The following NEGR1 variants were observed in gnomAD, a reference collection of about 807,000 sequenced individuals.
NEGR1 encodes the protein IgLON family member 4.
Under a neutral mutation model 40.9 loss-of-function variants are expected in NEGR1, and 10 were observed. That is an observed-to-expected ratio of 0.24 (90% CI 0.15 to 0.42). The LOEUF (loss-of-function observed/expected upper bound fraction) is 0.42, where lower values mean the gene tolerates loss of function less well. NEGR1 is among the 10% of genes least tolerant of loss of function. The pLI is 1.00. For missense variants in NEGR1, 352 were observed against 438.9 expected (o/e 0.80, Z 1.77); for synonymous variants, 185 against 166.8 (o/e 1.11, Z -0.84).
At chr1:71,668,758 G>C (rs1392460748) in intron 4 of NEGR1, among the ~76,000 whole-genome samples, 2 of 152,034 alleles carry the variant, frequency 1.3e-5, no homozygotes, top group Non-Finnish European at 2.9e-5. Flanking sequence ...TGGCATTTTC[G>C]TAAGGCAGGG....
chr1:71,599,631 G>T (rs924387762), intron 5 of NEGR1, among the ~76,000 whole-genome samples: 1 of 152,032 alleles, frequency 6.6e-6, no homozygotes, highest in African/African-American at 2.4e-5. Flanking sequence ...TAGCCCCAAG[G>T]GGTATCTATC....
intron 6 of NEGR1, among the ~76,000 whole-genome samples, chr1:71,418,018 T>C (rs980237951): frequency 1.3e-5 from 2 of 151,416 alleles, no homozygotes; most frequent in African/African-American, 4.8e-5. Flanking sequence ...TAAGTATCTA[T>C]ACATGCTCAG....
At chr1:72,141,683 T>C (rs1279582165) in intron 1 of NEGR1, among the ~76,000 whole-genome samples, 2 of 152,132 alleles carry the variant, frequency 1.3e-5, no homozygotes, top group East Asian at 3.9e-4. Context: ...TAAATGATGG[T>C]AAACAGGTAA....
intron 2 of NEGR1, among the ~76,000 whole-genome samples, chr1:71,808,302 T>A (rs1657854710): frequency 6.6e-6 from 1 of 152,202 alleles, no homozygotes; most frequent in Non-Finnish European, 1.5e-5. Context: ...CAGTATCTAC[T>A]AAGGATTTTT....
At chr1:72,036,587 C>T (rs1234441306) in intron 1 of NEGR1, among the ~76,000 whole-genome samples, 8 of 146,558 alleles carry the variant, frequency 5.5e-5, no homozygotes, top group African/African-American at 1.3e-4. Flanking sequence ...ACCTGGGAGG[C>T]GGAGGTTGCA....
intron 1 of NEGR1, among the ~76,000 whole-genome samples, chr1:71,949,895 T>C (rs935154012): frequency 6.6e-6 from 1 of 152,114 alleles, no homozygotes; most frequent in African/African-American, 2.4e-5. Flanking sequence ...AAATGGAAGC[T>C]GCTCATATAG....
chr1:72,163,725 ATCT>A, intron 1 of NEGR1, among the ~76,000 whole-genome samples: 1 of 96,492 alleles, frequency 1.0e-5, no homozygotes, highest in Non-Finnish European at 2.2e-5. Context: ...ATAGACAGAT[ATCT>A]AATAGATAGA....
In NEGR1 at chr1:71,796,371, G is replaced by A. The variant is rs534401166; in HGVS notation, c.410-20074C>T. Reference sequence around the variant, plus strand: ...AGCACTATCATCAACTAGGTTTTGTGTGTGTGTAATTTTGGAGGTAGTGAT... The same window carrying A: ...AGCACTATCATCAACTAGGTTTTGTATGTGTGTAATTTTGGAGGTAGTGAT... On this transcript the variant is annotated intron_variant, in intron 2 of 6. Transcript: ENST00000357731. Among the ~76,000 whole-genome samples, 4 of 152,278 alleles carry A rather than the reference G, an allele frequency of 2.6e-5. No individual in the cohort carries two copies. In the South Asian group the frequency reaches 8.3e-4, roughly 32 times the overall value.
chr1:72,146,012 C>A (rs1176769080), intron 1 of NEGR1, among the ~76,000 whole-genome samples: 1 of 6,432 alleles, frequency 1.6e-4, no homozygotes, highest in African/African-American at 4.0e-4. Flanking sequence ...TTTTCACATG[C>A]TGTGTATTTC....
At chr1:71,830,553 G>A (rs947108837) in intron 2 of NEGR1, among the ~76,000 whole-genome samples, 6 of 151,596 alleles carry the variant, frequency 4.0e-5, no homozygotes, top group Non-Finnish European at 8.8e-5. Flanking sequence ...ACAACAAAAA[G>A]AAACAAAACT....
intron 1 of NEGR1, among the ~76,000 whole-genome samples, chr1:71,953,827 A>C (rs983531858): frequency 2.7e-5 from 4 of 150,924 alleles, no homozygotes; most frequent in African/African-American, 9.9e-5. Context: ...TAAGTGATAT[A>C]CTTTTTTTTA....
At chr1:72,013,801 C>T (rs576195862) in intron 1 of NEGR1, among the ~76,000 whole-genome samples, 57 of 150,452 alleles carry the variant, frequency 3.8e-4, no homozygotes, top group African/African-American at 1.3e-3. Context: ...ATTCGCTACC[C>T]TGACATTTGA....
Position 71,497,561 on chromosome 1 carries a change from T to C in NEGR1, c.941-89991A>G, listed in dbSNP as rs144977231. Among the ~76,000 whole-genome samples the C allele has an allele frequency of 4.1e-3, 620 of 152,232 alleles. 1 individual carries two copies. The highest frequency in any genetic ancestry group is 7.7e-3 in the Admixed American group (118 of 15,280). ...AAGAAAACTGATTCCCAGGATAGAATTGGTATGTTGTTTCTCTAAATTGTG... is the reference window on the plus strand; with the variant it reads ...AAGAAAACTGATTCCCAGGATAGAACTGGTATGTTGTTTCTCTAAATTGTG... On this transcript the variant is annotated intron_variant, in intron 6 of 6. Coordinates refer to ENST00000357731, the MANE Select transcript of NEGR1 (RefSeq NM_173808.3).
Position 72,123,282 on chromosome 1 carries a change from A to T in NEGR1, c.176+159037T>A, listed in dbSNP as rs1192464143. 4.6e-5 allele frequency among the ~76,000 whole-genome samples: 7 copies of T among 151,908 alleles called. No homozygotes were observed. The South Asian group carries it at 1.4e-3, about 31-fold the overall frequency. ...TAAAATCATTTCCATATCAGTTTAA[A>T]TGTATAGTAGATAATCTTGACATTG... On this transcript the variant is annotated intron_variant, in intron 1 of 6. Transcript: ENST00000357731.
intron 2 of NEGR1, among the ~76,000 whole-genome samples, chr1:71,899,015 T>TATATATATA (rs1661070621): frequency 5.1e-5 from 6 of 117,076 alleles, no homozygotes; most frequent in African/African-American, 1.2e-4. Context: ...TATATATATA[T>TATATATATA]GGCAACTAAT....
chr1:72,005,816 T>G (rs937859770), intron 1 of NEGR1, among the ~76,000 whole-genome samples: 5 of 152,166 alleles, frequency 3.3e-5, no homozygotes, highest in Non-Finnish European at 7.4e-5. Context: ...AAATCAATTT[T>G]GGAAATCAAC....
intron 1 of NEGR1, among the ~76,000 whole-genome samples, chr1:72,263,439 C>T (rs1655529119): frequency 6.6e-6 from 1 of 151,196 alleles, no homozygotes; most frequent in Non-Finnish European, 1.5e-5. Flanking sequence ...ATTAGCAGTC[C>T]CCAAGAAACA....
intron 1 of NEGR1, among the ~76,000 whole-genome samples, chr1:72,117,336 C>T (rs888186621): frequency 6.6e-6 from 1 of 151,670 alleles, no homozygotes; most frequent in Non-Finnish European, 1.5e-5. Flanking sequence ...GATCCTTAAG[C>T]ACAAGCCTCA....
intron 4 of NEGR1, among the ~76,000 whole-genome samples, chr1:71,633,021 T>C (rs1159882810): frequency 6.6e-6 from 1 of 152,128 alleles, no homozygotes; most frequent in African/African-American, 2.4e-5. Context: ...TAAGTAGATA[T>C]AACTGCATAT....
Sources: allele counts gnomAD v4.1 joint callset (sites outside exome capture counted in the v4.1 genomes callset), GRCh38; gene constraint gnomAD v4.1.1; transcripts MANE v1.5; gene names NCBI Gene and HGNC (gene_info 2026-07-23, HGNC 2026-07-21).